Variants in PCDHGA5 observed in about 807,000 individuals in gnomAD.
The protein encoded by PCDHGA5 is protocadherin gamma subfamily A, 5, also known as protocadherin gamma-A5.
Under a neutral mutation model 56.7 loss-of-function variants are expected in PCDHGA5, and 36 were observed. The observed-to-expected ratio is 0.64, with a 90% CI of 0.49 to 0.84. The LOEUF (loss-of-function observed/expected upper bound fraction) is 0.84. Ranked by LOEUF, PCDHGA5 falls within the 40% of genes least tolerant of loss-of-function variation. PCDHGA5 has a pLI of 0.00. For missense variants in PCDHGA5, 1,305 were observed against 1,201.5 expected (o/e 1.09, Z -1.27); for synonymous variants, 563 against 520.2 (o/e 1.08, Z -1.12).
Position 141,374,676 on chromosome 5 carries a change from G to A in PCDHGA5, c.2421+7925G>A, listed in dbSNP as rs372705367. 2.7e-5 allele frequency: 43 copies of A among 1,610,386 alleles called. No homozygotes were observed. In the African/African-American group the frequency reaches 5.5e-4, roughly 21 times the overall value. On this transcript the variant is annotated intron_variant, in intron 1 of 3. Transcript: ENST00000518069. The stretch of plus-strand genomic sequence containing the variant: ...AAGTACCCGGAGCTGGTGCTGGAGG[G>A]CACACTGGACCGGGAAGGAGAAGCC...
intron 1 of PCDHGA5, among the ~76,000 whole-genome samples, chr5:141,480,408 C>A (rs371569489): frequency 7.2e-6 from 1 of 138,932 alleles, no homozygotes; most frequent in African/African-American, 2.9e-5. Flanking sequence ...GAGTGAGACC[C>A]TGTCTCAAAA....
chr5:141,395,111 T>A, intron 1 of PCDHGA5: 1 of 1,613,670 alleles, frequency 6.2e-7, no homozygotes, highest in Non-Finnish European at 8.5e-7. Flanking sequence ...CGCGGAAGAG[T>A]CACCTGATCT....
rs749645155 is a variant in PCDHGA5 at position 141,414,214 on chromosome 5, A to G, written c.2421+47463A>G. On this transcript the variant is annotated intron_variant, in intron 1 of 3. Transcript: ENST00000518069. ...GATTACAGTAGAAGATGTAAATGAC[A>G]ACAGTCCAGAGCTGACCATCACGTC... 6.2e-6 allele frequency: 10 copies of G among 1,613,126 alleles called. No homozygotes were observed. The South Asian group carries it at 9.9e-5, about 16-fold the overall frequency.
At position 141,366,100 on chromosome 5, in the gene PCDHGA5, G is replaced by A. The variant is rs1380197041; in HGVS notation, c.1770G>A (p.Lys590=). Residue 590 remains lysine (K), a synonymous_variant, in exon 1 of 4, where the codon AAG becomes AAA. Transcript: ENST00000518069. ...CAGAACCTGGCTACCTGGTGACCAA[G>A]GTGGTAGCGGTGGACAAAGATTCAG... ...RSAEPGYLVT[K]VVAVDKDSGQ... 6.2e-7 allele frequency: 1 copy of A among 1,614,140 alleles called. No individual in the cohort carries two copies. Among genetic ancestry groups the A allele is most frequent in the Non-Finnish European group, 8.5e-7 (1 of 1,180,058 alleles).
chr5:141,419,894 C>T (rs1590201850), intron 1 of PCDHGA5: 2 of 1,613,926 alleles, frequency 1.2e-6, no homozygotes, highest in East Asian at 2.2e-5. Flanking sequence ...CAGCGACCAT[C>T]CCACACCCTC....
intron 1 of PCDHGA5, chr5:141,426,194 T>C (rs1482565872): frequency 6.4e-6 from 1 of 155,380 alleles, no homozygotes; most frequent in Non-Finnish European, 1.4e-5. Context: ...ACTGGGAGCA[T>C]TGAGTTTTCT....
intron 1 of PCDHGA5, among the ~76,000 whole-genome samples, chr5:141,473,871 T>A (rs2099330260): frequency 1.3e-5 from 2 of 152,190 alleles, no homozygotes; most frequent in Admixed American, 6.5e-5. Context: ...TTGTGGAGAA[T>A]GCATACACAA....
At chr5:141,397,813 A>G (rs2093571371) in intron 1 of PCDHGA5, among the ~76,000 whole-genome samples, 2 of 152,216 alleles carry the variant, frequency 1.3e-5, no homozygotes, top group Non-Finnish European at 2.9e-5. Flanking sequence ...GCACACAAAA[A>G]CAATTACTGC....
At chr5:141,395,542 TTGTGTGTGTGTGTGTGTGTGTG>T (rs55729045) in intron 1 of PCDHGA5, 19 of 172,620 alleles carry the variant, frequency 1.1e-4, no homozygotes, top group Admixed American at 1.0e-3. Context: ...TTGCTATTGT[TTGTGTGTGTGTGTGTGTGTGTG>T]TGTGTGTGTG....
At chr5:141,408,148 G>C in intron 1 of PCDHGA5, 2 of 1,504,962 alleles carry the variant, frequency 1.3e-6, no homozygotes, top group Non-Finnish European at 1.8e-6. Context: ...TAGCGCGGTA[G>C]AGTGCACTTT....
At position 141,489,385 on chromosome 5, in the gene PCDHGA5, G is replaced by C. The variant is rs893348832; in HGVS notation, c.2422-5422G>C. The stretch of plus-strand genomic sequence containing the variant: ...GCCGGGGACGCTGGTGGGGAATGTT[G>C]CTCAGGATCTGGGCTTAAAGATGAC... On this transcript the variant is annotated intron_variant, in intron 1 of 3. Transcript: ENST00000518069. This position sits in a 1 kb window ranked among gnomAD's most constrained non-coding sequence, Gnocchi z 4.5. The C allele has an allele frequency of 6.2e-7, 1 of 1,613,924 alleles. No individual in the cohort carries two copies. Among genetic ancestry groups the C allele is most frequent in the Non-Finnish European group, 8.5e-7 (1 of 1,179,896 alleles).
chr5:141,375,103 C>G (rs1230243964), intron 1 of PCDHGA5: 1 of 1,613,900 alleles, frequency 6.2e-7, no homozygotes, highest in South Asian at 1.1e-5. Context: ...TCTTGGATGT[C>G]AATGATAATG....
chr5:141,490,080 T>A lies in PCDHGA5; in HGVS notation c.2422-4727T>A, dbSNP rs2099695881. On this transcript the variant is annotated intron_variant, in intron 1 of 3. Coordinates refer to ENST00000518069, the MANE Select transcript of PCDHGA5 (RefSeq NM_018918.3). The surrounding 1 kb of genome is among the most constrained non-coding windows in gnomAD (Gnocchi z 5.4). ...GCACCAACGGCCAACTAGACTATTCTTTTGGAGACCACACATCTGAGGCAG... is the reference window on the plus strand; with the variant it reads ...GCACCAACGGCCAACTAGACTATTCATTTGGAGACCACACATCTGAGGCAG... The A allele has an allele frequency of 6.2e-7, 1 of 1,614,246 alleles. No homozygotes were observed. The highest frequency in any genetic ancestry group is 2.2e-5 in the East Asian group (1 of 44,884).
intron 1 of PCDHGA5, among the ~76,000 whole-genome samples, chr5:141,462,027 TG>T (rs1239347302): frequency 6.6e-6 from 1 of 152,220 alleles, no homozygotes; most frequent in African/African-American, 2.4e-5. Flanking sequence ...TTCTTCATGT[TG>T]GTCAGGCGGG....
At chr5:141,427,198 T>G (rs1345851173) in intron 1 of PCDHGA5, 1 of 456,584 alleles carries the variant, frequency 2.2e-6, no homozygotes, top group African/African-American at 2.0e-5. Flanking sequence ...AAAGACTTAA[T>G]AGACTTCGAA....
At position 141,476,402 on chromosome 5, in the gene PCDHGA5, G is replaced by A. The variant is rs775511298; in HGVS notation, c.2422-18405G>A. The stretch of plus-strand genomic sequence containing the variant: ...TGTGAACGACCGTCTGGATCGAGAG[G>A]AGCTGTGTGGGACACTGCCCTCTTG... On this transcript the variant is annotated intron_variant, in intron 1 of 3. Coordinates refer to ENST00000518069, the MANE Select transcript of PCDHGA5 (RefSeq NM_018918.3). This position sits in a 1 kb window ranked among gnomAD's most constrained non-coding sequence, Gnocchi z 7.6. 9 of 1,613,992 alleles carry A rather than the reference G, an allele frequency of 5.6e-6. No individual in the cohort carries two copies. Among genetic ancestry groups the A allele is most frequent in the African/African-American group, 1.3e-5 (1 of 74,904 alleles).
At chr5:141,372,541 G>A (rs376822583) in intron 1 of PCDHGA5, 28 of 1,613,862 alleles carry the variant, frequency 1.7e-5, no homozygotes, top group Non-Finnish European at 2.0e-5. Flanking sequence ...CTGCGCCTGC[G>A]ATGCTCCTCC....
At chr5:141,427,777 C>A in intron 1 of PCDHGA5, 1 of 1,432,382 alleles carries the variant, frequency 7.0e-7, no homozygotes, top group Non-Finnish European at 9.7e-7. Flanking sequence ...GAGCTGCGGG[C>A]ACTGTCGTCC....
intron 1 of PCDHGA5, among the ~76,000 whole-genome samples, chr5:141,458,275 G>A (rs975142859): frequency 2.6e-5 from 4 of 152,142 alleles, no homozygotes; most frequent in Non-Finnish European, 5.9e-5. Flanking sequence ...GAACAACAGG[G>A]TTCCTGGTCC....
Sources: allele counts gnomAD v4.1 joint callset (sites outside exome capture counted in the v4.1 genomes callset), GRCh38; gene constraint gnomAD v4.1.1; non-coding constraint Gnocchi (gnomAD v3.1); transcripts MANE v1.5; gene names NCBI Gene and HGNC (gene_info 2026-07-23, HGNC 2026-07-21).